Variants in SYNJ1 observed in about 807,000 individuals in gnomAD.
The protein encoded by SYNJ1 is synaptojanin 1, also known as polyphosphatidylinositol phosphatase SYNJ1.
Under a neutral mutation model 168.2 loss-of-function variants are expected in SYNJ1, and 78 were observed. The ratio of observed to expected loss-of-function variants is 0.46; its 90% confidence interval spans 0.39 to 0.56. The LOEUF (loss-of-function observed/expected upper bound fraction) is 0.56. SYNJ1 is among the 20% of genes least tolerant of loss of function. The pLI is 0.00. For missense variants in SYNJ1, 1,303 were observed against 1,597.6 expected (o/e 0.82, Z 3.14); for synonymous variants, 539 against 548.6 (o/e 0.98, Z 0.24).
At position 32,629,629 on chromosome 21, in the gene SYNJ1, C is replaced by T. The variant is rs1234282199; in HGVS notation, c.*2176G>A. ...ACATAGGAATTTAGGTGGACATATA[C>T]AACTCTTTATATAAAAGGAATGTTA... On this transcript the variant is annotated 3_prime_UTR_variant, in exon 33 of 33. Transcript: ENST00000674351. 2.0e-5 allele frequency: 3 copies of T among 152,488 alleles called. No homozygotes were observed. The East Asian group carries it at 5.8e-4, about 29-fold the overall frequency. The allele number at this position is 152,488 out of a possible 1,614,324, so 9.4% of individuals were successfully genotyped here.
At chr21:32,641,411 A>C (rs1049878706) in intron 29 of SYNJ1, among the ~76,000 whole-genome samples, 1 of 152,004 alleles carries the variant, frequency 6.6e-6, no homozygotes, top group Non-Finnish European at 1.5e-5. Flanking sequence ...AACAACATCT[A>C]CTCTCCTATT....
intron 15 of SYNJ1, 78 bp from the exon 16 acceptor site, chr21:32,666,651 C>G (rs1350468605): frequency 7.1e-7 from 1 of 1,409,378 alleles, no homozygotes; most frequent in Non-Finnish European, 9.5e-7. Flanking sequence ...GTCAATTATA[C>G]CTTTATCTAC....
At chr21:32,646,778 T>G (rs996588718) in intron 23 of SYNJ1, among the ~76,000 whole-genome samples, 176 bp from the exon 24 acceptor site, 1 of 152,178 alleles carries the variant, frequency 6.6e-6, no homozygotes, top group Non-Finnish European at 1.5e-5. Flanking sequence ...TAGAAATGCT[T>G]GTTTCAGAAG....
rs762562029 is a variant in SYNJ1 at position 32,700,097 on chromosome 21, T to C, written c.220A>G (p.Met74Val). ...GVLRLNLGDT[M>V]LHYLVLVTGC... is the part of the protein sequence containing the mutation. ...GTGACTAGGACCAGATAATGTAACA[T>C]AGTATCACCTGCAAAACCCAAAGAT... Residue 74 changes from methionine to valine, a missense_variant, in exon 4 of 33, where the codon ATG becomes GTG. By Grantham distance (21) the Met-to-Val change is conservative. Transcript: ENST00000674351. 28 of 1,596,510 alleles carry C rather than the reference T, an allele frequency of 1.8e-5. No individual in the cohort carries two copies. Among genetic ancestry groups the C allele is most frequent in the East Asian group, 4.5e-5 (2 of 44,520 alleles).
At chr21:32,705,462 A>G (rs1434204108) in intron 2 of SYNJ1, among the ~76,000 whole-genome samples, 2 of 152,216 alleles carry the variant, frequency 1.3e-5, no homozygotes, top group Non-Finnish European at 2.9e-5. Flanking sequence ...AAAGTAAGCA[A>G]GTGTTCAAAG....
chr21:32,722,715 G>A (rs770947717), intron 2 of SYNJ1, among the ~76,000 whole-genome samples: 14 of 152,114 alleles, frequency 9.2e-5, no homozygotes, highest in Non-Finnish European at 1.8e-4. Flanking sequence ...CACTAAGACT[G>A]CAAATATTAC....
intron 22 of SYNJ1, among the ~76,000 whole-genome samples, chr21:32,652,350 A>C (rs905850151): frequency 6.6e-6 from 1 of 151,978 alleles, no homozygotes; most frequent in Non-Finnish European, 1.5e-5. Flanking sequence ...ACAGGCGCCC[A>C]CCACCACGCC....
chr21:32,666,407 C>T, intron 16 of SYNJ1, 26 bp downstream of exon 16: 1 of 1,602,986 alleles, frequency 6.2e-7, no homozygotes, highest in Middle Eastern at 1.7e-4. Context: ...AGGAAGTAGC[C>T]TTAGAGGAGT....
At chr21:32,698,290 G>A (rs529926492) in intron 4 of SYNJ1, among the ~76,000 whole-genome samples, 13 of 152,154 alleles carry the variant, frequency 8.5e-5, no homozygotes, top group East Asian at 7.7e-4. Context: ...GAGCTACAAC[G>A]TGACCAAGCT....
intron 22 of SYNJ1, among the ~76,000 whole-genome samples, chr21:32,652,177 A>G (rs1447375906): frequency 6.6e-6 from 1 of 151,852 alleles, no homozygotes; most frequent in East Asian, 1.9e-4. Flanking sequence ...TACAAAACCT[A>G]TTTCAAAAGC....
chr21:32,714,118 A>T (rs1015852055), intron 2 of SYNJ1, among the ~76,000 whole-genome samples: 3 of 152,184 alleles, frequency 2.0e-5, no homozygotes, highest in African/African-American at 2.4e-5. Flanking sequence ...TTATTATTTT[A>T]AAAAAATACA....
Position 32,703,737 on chromosome 21 carries a change from A to T in SYNJ1, c.125-1690T>A, listed in dbSNP as rs568338448. Among the ~76,000 whole-genome samples the T allele has an allele frequency of 2.9e-3, 422 of 146,916 alleles. 3 individuals carry two copies. The highest frequency in any genetic ancestry group is 4.7e-3 in the Non-Finnish European group (313 of 66,296). On this transcript the variant is annotated intron_variant, in intron 2 of 32. Coordinates refer to ENST00000674351, the MANE Select transcript of SYNJ1 (RefSeq NM_203446.3). Reference sequence around the variant, plus strand: ...AAAATATAGTTTTATTTTTATTTTTATTTTTTTTTTTTGAGACAGAGGCTG... The same window carrying T: ...AAAATATAGTTTTATTTTTATTTTTTTTTTTTTTTTTTGAGACAGAGGCTG...
chr21:32,645,158 T>C (rs2040005790), intron 25 of SYNJ1, 152 bp from the exon 26 acceptor site: 4 of 647,462 alleles, frequency 6.2e-6, no homozygotes, highest in East Asian at 6.3e-5. Flanking sequence ...TCAATGCATA[T>C]GCTTATAATT....
chr21:32,666,339 T>A, intron 16 of SYNJ1, 94 bp downstream of exon 16: 1 of 1,519,520 alleles, frequency 6.6e-7, no homozygotes, highest in Admixed American at 2.2e-5. Context: ...ATGGATAGTT[T>A]TTGTTTGAAG....
At chr21:32,721,411 G>C (rs1020448117) in intron 2 of SYNJ1, among the ~76,000 whole-genome samples, 1 of 152,222 alleles carries the variant, frequency 6.6e-6, no homozygotes, top group African/African-American at 2.4e-5. Context: ...AGGCGTGGTG[G>C]CTCACGCCTA....
chr21:32,680,593 C>T (rs923906153), intron 11 of SYNJ1, among the ~76,000 whole-genome samples: 3 of 151,602 alleles, frequency 2.0e-5, no homozygotes, highest in African/African-American at 7.3e-5. Flanking sequence ...AATGATGAAA[C>T]AGACAATTAT....
chr21:32,709,203 C>T (rs1029250960), intron 2 of SYNJ1, among the ~76,000 whole-genome samples: 19 of 151,984 alleles, frequency 1.3e-4, no homozygotes, highest in Non-Finnish European at 2.2e-4. Context: ...AAAACACTGC[C>T]GGTTGGGCAC....
chr21:32,638,066 T>C (rs1872586121), intron 31 of SYNJ1, among the ~76,000 whole-genome samples: 1 of 152,166 alleles, frequency 6.6e-6, no homozygotes, highest in South Asian at 2.1e-4. Flanking sequence ...AGACTTTTTA[T>C]TTATTTATTA....
intron 32 of SYNJ1, among the ~76,000 whole-genome samples, chr21:32,633,522 G>A (rs1338607823): frequency 1.3e-5 from 2 of 152,116 alleles, no homozygotes; most frequent in African/African-American, 4.8e-5. Flanking sequence ...CTTCAGGGTT[G>A]GATACGATAG....
Sources: gnomAD v4.1 joint callset for allele counts (sites outside exome capture counted in the v4.1 genomes callset) on GRCh38, gnomAD v4.1.1 for gene constraint, MANE v1.5 for transcripts, NCBI Gene and HGNC (gene_info 2026-07-23, HGNC 2026-07-21) for gene names.